Variants in NPAS2 observed in about 807,000 individuals in gnomAD.
NPAS2 encodes the protein neuronal PAS domain protein 2, also known as neuronal PAS domain-containing protein 2.
Under a neutral mutation model 107.5 loss-of-function variants are expected in NPAS2, and 23 were observed. That is an observed-to-expected ratio of 0.21 (90% CI 0.15 to 0.30). NPAS2 has a LOEUF of 0.30. Ranked by LOEUF, NPAS2 falls within the 10% of genes least tolerant of loss-of-function variation. NPAS2 has a pLI of 1.00. For synonymous variants in NPAS2, 403 were observed against 417.5 expected (o/e 0.97, Z 0.42); for missense variants, 756 against 1,043.3 (o/e 0.72, Z 3.79).
intron 1 of NPAS2, among the ~76,000 whole-genome samples, chr2:100,864,243 C>A (rs1422470765): frequency 6.6e-6 from 1 of 152,120 alleles, no homozygotes. Context: ...GAGTGCTCAT[C>A]TGAATGTCAG....
At chr2:100,836,611 C>T (rs967262879) in intron 1 of NPAS2, among the ~76,000 whole-genome samples, 2 of 152,166 alleles carry the variant, frequency 1.3e-5, no homozygotes, top group African/African-American at 4.8e-5. Flanking sequence ...CAAGGGGTGC[C>T]TCCGAGTTCC....
At chr2:100,906,700 C>T (rs910601944) in intron 2 of NPAS2, among the ~76,000 whole-genome samples, 1 of 152,162 alleles carries the variant, frequency 6.6e-6, no homozygotes, top group Admixed American at 6.5e-5. Context: ...AAGCGCAGGC[C>T]ATTCTTATTA....
chr2:100,872,584 G>A (rs1026709056), intron 1 of NPAS2, among the ~76,000 whole-genome samples: 1 of 152,082 alleles, frequency 6.6e-6, no homozygotes, highest in Non-Finnish European at 1.5e-5. Flanking sequence ...ATTTTCTGGG[G>A]TTTCATTTAT....
At chr2:100,977,856 C>A in intron 15 of NPAS2, 57 bp downstream of exon 15, 2 of 1,436,042 alleles carry the variant, frequency 1.4e-6, no homozygotes, top group Non-Finnish European at 2.0e-6. Context: ...CCGCAGTGTG[C>A]TGCGCTGATG....
intron 1 of NPAS2, among the ~76,000 whole-genome samples, chr2:100,849,532 C>G (rs11691732): frequency 0.79 from 119,438 of 152,078 alleles, 47,647 homozygotes; most frequent in African/African-American, 0.91. Context: ...GCTTCCTTCA[C>G]CTTGAAAAAT....
chr2:100,948,209 C>A lies in NPAS2; in HGVS notation c.364-26C>A, dbSNP rs189765904. ...GTTTTTCATCTTCGTTGAGGGTGTA[C>A]CTTTGTCCTTTATTTTCTTTTTCAG... On this transcript the variant is annotated intron_variant, in intron 5 of 20. Transcript: ENST00000335681. The A allele has an allele frequency of 6.3e-4, 1,015 of 1,610,216 alleles. 11 individuals are homozygous for A. The African/African-American group carries it at 0.013, about 20-fold the overall frequency.
chr2:100,854,451 C>T (rs1288440231), intron 1 of NPAS2, among the ~76,000 whole-genome samples: 1 of 152,168 alleles, frequency 6.6e-6, no homozygotes, highest in African/African-American at 2.4e-5. Context: ...TTTTCATGAC[C>T]CCATCCTGAG....
chr2:100,932,750 T>C (rs1361337775), intron 3 of NPAS2, among the ~76,000 whole-genome samples, 160 bp from the exon 4 acceptor site: 1 of 151,994 alleles, frequency 6.6e-6, no homozygotes, highest in East Asian at 1.9e-4. Flanking sequence ...AAGCTCCCAG[T>C]CCTTGGAAAT....
chr2:100,938,328 G>A (rs139314662), intron 5 of NPAS2, among the ~76,000 whole-genome samples: 20 of 152,238 alleles, frequency 1.3e-4, no homozygotes, highest in South Asian at 4.1e-4. Flanking sequence ...CAGCAGGGCC[G>A]GTTCCTGGGG....
At position 100,995,654 on chromosome 2, in the gene NPAS2, G is replaced by A; in HGVS notation, c.*72G>A. On this transcript the variant is annotated 3_prime_UTR_variant, in exon 21 of 21. Transcript: ENST00000335681. ...GAGGGGGGTGGCCACAGGAGATGGG[G>A]AGAGGAGTCTGAACTAAACCCCTGG... The A allele has an allele frequency of 6.4e-7, 1 of 1,559,256 alleles. No individual in the cohort carries two copies. The highest frequency in any genetic ancestry group is 1.2e-5 in the South Asian group (1 of 85,874).
At chr2:100,849,035 C>T (rs1375525256) in intron 1 of NPAS2, among the ~76,000 whole-genome samples, 1 of 152,204 alleles carries the variant, frequency 6.6e-6, no homozygotes, top group Non-Finnish European at 1.5e-5. Flanking sequence ...ATACGGGTTT[C>T]CCTGCACACT....
chr2:100,920,366 A>G (rs763192765), intron 2 of NPAS2, among the ~76,000 whole-genome samples: 1 of 152,216 alleles, frequency 6.6e-6, no homozygotes, highest in Non-Finnish European at 1.5e-5. Flanking sequence ...TAATCATTCC[A>G]TGTTGTATAT....
At chr2:100,926,754 T>C (rs1397361829) in intron 3 of NPAS2, among the ~76,000 whole-genome samples, 1 of 152,172 alleles carries the variant, frequency 6.6e-6, no homozygotes, top group Admixed American at 6.5e-5. Flanking sequence ...TTTTTACTTT[T>C]CAAGTGATAC....
At chr2:100,882,453 CAA>C (rs1291417435) in intron 1 of NPAS2, among the ~76,000 whole-genome samples, 2 of 151,764 alleles carry the variant, frequency 1.3e-5, no homozygotes, top group Admixed American at 6.6e-5. Flanking sequence ...ACTAAAAATA[CAA>C]AAAAAATTAG....
chr2:100,872,995 T>C (rs537132473), intron 1 of NPAS2, among the ~76,000 whole-genome samples: 1 of 152,034 alleles, frequency 6.6e-6, no homozygotes, highest in East Asian at 1.9e-4. Flanking sequence ...AATAAATGAA[T>C]GCCAGTTAAA....
At chr2:100,977,316 G>A (rs897253762) in intron 14 of NPAS2, among the ~76,000 whole-genome samples, 8 of 152,218 alleles carry the variant, frequency 5.3e-5, no homozygotes, top group African/African-American at 1.9e-4. Context: ...GCAGCTCATG[G>A]TAGCAGTCCA....
rs1263727109 is a variant in NPAS2 at position 100,881,940 on chromosome 2, G to A, written c.-22-22793G>A. Reference sequence around the variant, plus strand: ...CACCCACCACCTCCCTCATGTGCTCGCAGTGCCCTGCCCGGAGCCCAGGCT... The same window carrying A: ...CACCCACCACCTCCCTCATGTGCTCACAGTGCCCTGCCCGGAGCCCAGGCT... On this transcript the variant is annotated intron_variant, in intron 1 of 20. Coordinates refer to ENST00000335681, the MANE Select transcript of NPAS2 (RefSeq NM_002518.4). Among the ~76,000 whole-genome samples the A allele has an allele frequency of 5.9e-5, 9 of 152,272 alleles. No homozygotes were observed. In the East Asian group the frequency reaches 1.4e-3, roughly 23 times the overall value.
intron 2 of NPAS2, among the ~76,000 whole-genome samples, chr2:100,909,390 A>G (rs767749025): frequency 6.6e-6 from 1 of 152,212 alleles, no homozygotes; most frequent in Non-Finnish European, 1.5e-5. Context: ...TTTCAGGGAG[A>G]GTAATGTGGC....
intron 7 of NPAS2, among the ~76,000 whole-genome samples, chr2:100,954,664 C>CAAAAAAAA (rs1194534141): frequency 1.4e-4 from 11 of 81,036 alleles, no homozygotes; most frequent in Admixed American, 3.3e-4. Context: ...AACTGTGTCT[C>CAAAAAAAA]AAAAAAAAAA....
Sources: gnomAD v4.1 joint callset for allele counts (sites outside exome capture counted in the v4.1 genomes callset) on GRCh38, gnomAD v4.1.1 for gene constraint, MANE v1.5 for transcripts, NCBI Gene and HGNC (gene_info 2026-07-23, HGNC 2026-07-21) for gene names.